The following CLIC5 variants were observed in gnomAD, a reference collection of about 807,000 sequenced individuals.
CLIC5 encodes chloride intracellular channel protein 5.
In CLIC5, 20 loss-of-function variants were observed where a neutral mutation model predicts 24.7. The observed-to-expected ratio is 0.81, with a 90% CI of 0.57 to 1.18. The LOEUF is 1.18. Among genes scored for constraint, CLIC5 ranks in the 50% most tolerant of loss-of-function variants. CLIC5 has a pLI of 0.00. For synonymous variants in CLIC5, 159 were observed against 135.6 expected (o/e 1.17, Z -1.20); for missense variants, 341 against 326.1 (o/e 1.05, Z -0.35).
Position 45,972,132 on chromosome 6 carries a change from T to A in CLIC5, c.64-16888A>T, listed in dbSNP as rs1445087208. Among the ~76,000 whole-genome samples the A allele has an allele frequency of 2.0e-5, 3 of 152,224 alleles. No homozygotes were observed. The East Asian group carries it at 5.8e-4, about 29-fold the overall frequency. ...AAATTTAACATAAGTAGAGTATGGG[T>A]ATCAAGGACTTTTACTGTATAGCGC... On this transcript the variant is annotated intron_variant, in intron 1 of 5. Transcript: ENST00000339561.
the CLIC5 span, among the ~76,000 whole-genome samples, chr6:46,116,197 C>T: frequency 4.0e-5 from 6 of 150,798 alleles, no homozygotes; most frequent in South Asian, 1.2e-3. Flanking sequence ...ATTAGCAAGA[C>T]CACAGAGTCT....
chr6:46,058,956 A>T (rs78672804), intron 1 of CLIC5, among the ~76,000 whole-genome samples: 4,019 of 152,318 alleles, frequency 0.026, 163 homozygotes, highest in African/African-American at 0.093. Context: ...TCTGGTGCAC[A>T]GTCCCTAGTA....
chr6:45,970,512 T>C (rs931483723), intron 1 of CLIC5, among the ~76,000 whole-genome samples: 11 of 152,054 alleles, frequency 7.2e-5, no homozygotes, highest in Admixed American at 4.6e-4. Context: ...AGGCAGGAAA[T>C]GTTCTCTTTA....
chr6:45,985,671 G>A (rs866492836), intron 1 of CLIC5, among the ~76,000 whole-genome samples: 1 of 152,002 alleles, frequency 6.6e-6, no homozygotes, highest in Non-Finnish European at 1.5e-5. Flanking sequence ...CGCGAAGTTG[G>A]GTATTTATTG....
In CLIC5 at chr6:45,888,616, A is replaced by C. The variant is rs569832026; in HGVS notation, c.624-7428T>G. Among the ~76,000 whole-genome samples, 69 of 152,328 alleles carry C rather than the reference A, an allele frequency of 4.5e-4. 1 individual carries two copies. Among genetic ancestry groups the C allele is most frequent in the African/African-American group, 1.6e-3 (65 of 41,580 alleles). On this transcript the variant is annotated intron_variant, in intron 6 of 6. Coordinates refer to the CLIC5 transcript ENST00000644324. ...CGTGAATTTATCTAAGTCTATCATA[A>C]ACATATTTTGATACATATTACATAA...
intron 1 of CLIC5, among the ~76,000 whole-genome samples, chr6:46,067,416 G>A (rs996517106): frequency 3.9e-5 from 6 of 152,172 alleles, no homozygotes; most frequent in South Asian, 2.1e-4. Context: ...ATTCTCTCCC[G>A]CAGGGTTGAC....
chr6:46,121,686 C>A, the CLIC5 span, among the ~76,000 whole-genome samples: 1 of 152,094 alleles, frequency 6.6e-6, no homozygotes, highest in African/African-American at 2.4e-5. Flanking sequence ...TCAGGAAACC[C>A]ATCTCTTGTG....
chr6:46,002,181 A>G (rs2127433919), intron 1 of CLIC5, among the ~76,000 whole-genome samples: 1 of 152,358 alleles, frequency 6.6e-6, no homozygotes, highest in East Asian at 1.9e-4. Flanking sequence ...ACGATATTGT[A>G]AATTTCTTTA....
chr6:45,918,163 C>T (rs1477001746), intron 4 of CLIC5, among the ~76,000 whole-genome samples: 1 of 152,146 alleles, frequency 6.6e-6, no homozygotes, highest in African/African-American at 2.4e-5. Flanking sequence ...TATTCTGAGC[C>T]ATATGCAAAC....
the CLIC5 span, among the ~76,000 whole-genome samples, chr6:46,120,597 G>T: frequency 6.6e-6 from 1 of 152,212 alleles, no homozygotes; most frequent in Non-Finnish European, 1.5e-5. Flanking sequence ...ACTTTGACAA[G>T]TTGAGAGAAG....
chr6:46,076,970 C>T (rs1031994397), intron 1 of CLIC5, among the ~76,000 whole-genome samples: 1 of 151,930 alleles, frequency 6.6e-6, no homozygotes, highest in Admixed American at 6.6e-5. Flanking sequence ...AAACCCGTCT[C>T]TACTAAAAAT....
At chr6:45,920,712 TGA>T in intron 4 of CLIC5, 1 of 963,346 alleles carries the variant, frequency 1.0e-6, no homozygotes, top group Non-Finnish European at 1.2e-6. Context: ...GAAGAGACAC[TGA>T]GAGAGATCAG....
chr6:45,961,781 A>G (rs758244023), intron 1 of CLIC5, among the ~76,000 whole-genome samples: 3 of 152,080 alleles, frequency 2.0e-5, no homozygotes, highest in Non-Finnish European at 4.4e-5. Context: ...AGAAATCAAC[A>G]TTTCCTTTCT....
At chr6:46,030,811 G>A (rs1031002640) in intron 1 of CLIC5, among the ~76,000 whole-genome samples, 1 of 152,140 alleles carries the variant, frequency 6.6e-6, no homozygotes, top group African/African-American at 2.4e-5. Context: ...ACAGCACCCT[G>A]TGCAAACCTC....
the CLIC5 span, among the ~76,000 whole-genome samples, chr6:46,114,409 T>C: frequency 6.6e-6 from 1 of 152,196 alleles, no homozygotes; most frequent in East Asian, 1.9e-4. Flanking sequence ...GTCAAACCTA[T>C]ACTTATTGCA....
At chr6:46,008,561 A>G (rs1766683709) in intron 1 of CLIC5, among the ~76,000 whole-genome samples, 1 of 152,124 alleles carries the variant, frequency 6.6e-6, no homozygotes, top group African/African-American at 2.4e-5. Context: ...AGCCCCCTTC[A>G]GCTTTCACAG....
chr6:46,061,647 G>C (rs776934947), intron 1 of CLIC5, among the ~76,000 whole-genome samples: 3 of 152,208 alleles, frequency 2.0e-5, no homozygotes, highest in Non-Finnish European at 4.4e-5. Context: ...CTTGGCCAAA[G>C]AGAGACACTT....
the CLIC5 span, among the ~76,000 whole-genome samples, chr6:46,116,929 T>C: frequency 2.0e-5 from 3 of 152,106 alleles, no homozygotes; most frequent in African/African-American, 7.2e-5. Flanking sequence ...GATTTAGAAA[T>C]AACATGGATA....
intron 1 of CLIC5, among the ~76,000 whole-genome samples, chr6:45,973,338 G>A (rs1765265938): frequency 6.6e-6 from 1 of 152,206 alleles, no homozygotes; most frequent in South Asian, 2.1e-4. Flanking sequence ...CAGTGGCTTA[G>A]CAGTCTGCCT....
Sources: gnomAD v4.1 joint callset for allele counts (sites outside exome capture counted in the v4.1 genomes callset) on GRCh38, gnomAD v4.1.1 for gene constraint, MANE v1.5 for transcripts, NCBI Gene and HGNC (gene_info 2026-07-23, HGNC 2026-07-21) for gene names.